TNKS: variants seen among roughly 807,000 people sequenced by gnomAD.
TNKS encodes the protein tankyrase.
Under a neutral mutation model 135.8 loss-of-function variants are expected in TNKS, and 72 were observed. The ratio of observed to expected loss-of-function variants is 0.53; its 90% CI spans 0.44 to 0.64. The LOEUF (loss-of-function observed/expected upper bound fraction) is 0.64. Ranked by LOEUF, TNKS falls within the 30% of genes least tolerant of loss-of-function variation. The probability of loss-of-function intolerance (pLI) is 0.00; values close to 1 mark genes in which losing one functional copy is unlikely to be tolerated. For missense variants in TNKS, 1,769 were observed against 1,674.0 expected (o/e 1.06, Z -0.99); for synonymous variants, 849 against 649.3 (o/e 1.31, Z -4.68).
chr8:9,557,129 C>G (rs35431644), intron 1 of TNKS: 4,666 of 160,322 alleles, frequency 0.029, 117 homozygotes, highest in Non-Finnish European at 0.049. Context: ...AGTTTGCAGT[C>G]TAGACGGGGA....
At chr8:9,731,092 A>T (rs1401314461) in intron 14 of TNKS, 57 bp downstream of exon 14, 1 of 1,458,544 alleles carries the variant, frequency 6.9e-7, no homozygotes, top group African/African-American at 1.4e-5. Flanking sequence ...AAAAAATTTA[A>T]AATATTTTTG....
chr8:9,667,540 A>G (rs1802052679), intron 3 of TNKS, among the ~76,000 whole-genome samples: 3 of 152,244 alleles, frequency 2.0e-5, no homozygotes, highest in Non-Finnish European at 4.4e-5. Flanking sequence ...ATGTGGAGGC[A>G]TGTGACTGCT....
At chr8:9,748,682 C>G (rs60857446) in intron 18 of TNKS, among the ~76,000 whole-genome samples, 1 of 152,140 alleles carries the variant, frequency 6.6e-6, no homozygotes, top group Non-Finnish European at 1.5e-5. Context: ...ACTGTATAGT[C>G]ACAGTAATTT....
chr8:9,663,220 A>T (rs1006811564), intron 3 of TNKS, among the ~76,000 whole-genome samples: 6 of 152,230 alleles, frequency 3.9e-5, no homozygotes, highest in African/African-American at 1.4e-4. Context: ...GTGTGGGAAT[A>T]AATGTGTGTT....
rs544053880 is a variant in TNKS, at chr8:9,753,287, C to A, written c.3153+661C>A. Among the ~76,000 whole-genome samples, 109 of 152,292 alleles carry A rather than the reference C, an allele frequency of 7.2e-4. 1 individual carries two copies. Among genetic ancestry groups the A allele is most frequent in the African/African-American group, 2.5e-3 (104 of 41,578 alleles). ...ATTTCATTATTCATGTGACTAGGCT[C>A]CTGAAGCAGTTGCCCATTAATTTGG... On this transcript the variant is annotated intron_variant, in intron 20 of 26. Coordinates refer to ENST00000310430, the MANE Select transcript of TNKS (RefSeq NM_003747.3).
At chr8:9,671,233 C>A (rs1229734407) in intron 3 of TNKS, 1 of 152,134 alleles carries the variant, frequency 6.6e-6, no homozygotes, top group Non-Finnish European at 1.5e-5. Flanking sequence ...TATAACCCAG[C>A]AACCCCACTG....
intron 6 of TNKS, among the ~76,000 whole-genome samples, chr8:9,705,930 A>C (rs1377352607): frequency 5.9e-5 from 9 of 152,214 alleles, no homozygotes; most frequent in Non-Finnish European, 1.2e-4. Flanking sequence ...GTCAATTAGC[A>C]TATGATCTTC....
At chr8:9,635,733 A>T (rs1800485259) in intron 3 of TNKS, among the ~76,000 whole-genome samples, 1 of 152,218 alleles carries the variant, frequency 6.6e-6, no homozygotes. Flanking sequence ...GGGAGGCATG[A>T]CTAAATCTCA....
intron 26 of TNKS, among the ~76,000 whole-genome samples, chr8:9,775,960 G>A (rs1477048259): frequency 3.3e-5 from 5 of 151,950 alleles, no homozygotes; most frequent in Non-Finnish European, 7.4e-5. Context: ...TTTCTGGTTA[G>A]GTTTTCAGCA....
chr8:9,776,518 G>A, intron 26 of TNKS, 132 bp from the exon 27 acceptor site: 4 of 704,100 alleles, frequency 5.7e-6, no homozygotes, highest in Non-Finnish European at 9.6e-6. Context: ...AATTGTTCAG[G>A]CACCTATTAA....
At chr8:9,735,324 AT>A (rs1413361309) in intron 16 of TNKS, 52 bp from the exon 17 acceptor site, 42 of 1,506,214 alleles carry the variant, frequency 2.8e-5, no homozygotes, top group Admixed American at 3.5e-5. Flanking sequence ...ATATGTATGT[AT>A]TTTTTTTCCT....
At chr8:9,682,705 C>G (rs565875843) in intron 5 of TNKS, among the ~76,000 whole-genome samples, 16 of 152,126 alleles carry the variant, frequency 1.1e-4, no homozygotes, top group African/African-American at 3.9e-4. Flanking sequence ...CCTTGATAAA[C>G]ATAATTTTAT....
At chr8:9,612,850 T>G (rs1799512794) in intron 2 of TNKS, among the ~76,000 whole-genome samples, 1 of 149,156 alleles carries the variant, frequency 6.7e-6, no homozygotes, top group South Asian at 2.1e-4. Context: ...CAGTCAACAC[T>G]TATTTTGTAT....
chr8:9,761,776 T>C (rs1246181116), intron 21 of TNKS, 140 bp downstream of exon 21: 1 of 867,584 alleles, frequency 1.2e-6, no homozygotes, highest in Non-Finnish European at 1.7e-6. Context: ...CCCATCTCAG[T>C]TATTGGCCTC....
intron 11 of TNKS, among the ~76,000 whole-genome samples, chr8:9,719,174 G>A (rs1804748053): frequency 6.6e-6 from 1 of 152,088 alleles, no homozygotes; most frequent in Non-Finnish European, 1.5e-5. Flanking sequence ...ACTATTTCAT[G>A]GGAGTTTTGT....
rs540575229 is a variant in TNKS, at chr8:9,558,341, A to G, written c.673+1729A>G. The G allele has an allele frequency of 4.6e-5, 7 of 152,328 alleles. No homozygotes were observed. The East Asian group carries it at 1.3e-3, about 29-fold the overall frequency. The allele number at this position is 152,328 out of a possible 1,614,324, so 9.4% of individuals were successfully genotyped here. A position where few individuals can be genotyped will look rare whatever the true frequency, so the allele number is the denominator to read the frequency against. On this transcript the variant is annotated intron_variant, in intron 1 of 26. Coordinates refer to ENST00000310430, the MANE Select transcript of TNKS (RefSeq NM_003747.3). ...GAATGCAGTGAATTGAATCAGAAAC[A>G]GACTTTTGCCTATTTGTTTGCTCAA...
chr8:9,595,762 A>G (rs1454699302), intron 2 of TNKS, among the ~76,000 whole-genome samples: 1 of 152,152 alleles, frequency 6.6e-6, no homozygotes, highest in African/African-American at 2.4e-5. Flanking sequence ...CTGTCTGTCT[A>G]ATAAAAGCAT....
chr8:9,658,458 C>G, intron 3 of TNKS: 2 of 920,300 alleles, frequency 2.2e-6, no homozygotes, highest in Non-Finnish European at 3.1e-6. Context: ...GAATTTTCAA[C>G]CCAGAATTTC....
chr8:9,677,985 C>G (rs942756415), intron 3 of TNKS, among the ~76,000 whole-genome samples: 1 of 152,168 alleles, frequency 6.6e-6, no homozygotes, highest in African/African-American at 2.4e-5. Context: ...TCCTTGACCC[C>G]CAACTACCCT....
Sources: gnomAD v4.1 joint callset for allele counts (sites outside exome capture counted in the v4.1 genomes callset) on GRCh38, gnomAD v4.1.1 for gene constraint, MANE v1.5 for transcripts, NCBI Gene and HGNC (gene_info 2026-07-23, HGNC 2026-07-21) for gene names.